KANSL2: variants seen among roughly 807,000 people sequenced by gnomAD.
KANSL2 encodes KAT8 regulatory NSL complex subunit 2, also known as NSL complex protein NSL2.
A neutral mutation model predicts 55.6 loss-of-function variants in KANSL2; 34 were observed. The observed-to-expected ratio is 0.61, with a 90% CI of 0.46 to 0.81. The LOEUF is 0.81. Among genes scored for constraint, KANSL2 ranks in the 40% least tolerant of loss-of-function variants. The probability of loss-of-function intolerance (pLI) is 0.00; values close to 1 mark genes in which losing one functional copy is unlikely to be tolerated. For missense variants in KANSL2, 502 were observed against 609.9 expected (o/e 0.82, Z 1.86); for synonymous variants, 209 against 214.3 (o/e 0.98, Z 0.22).
At position 48,669,212 on chromosome 12, in the gene KANSL2, C is replaced by T. The variant is rs1348432508; in HGVS notation, c.770G>A (p.Arg257Gln). 8 of 1,567,054 alleles carry T rather than the reference C, an allele frequency of 5.1e-6. No individual in the cohort carries two copies. The highest frequency in any genetic ancestry group is 6.9e-6 in the Non-Finnish European group (8 of 1,154,934). ...LLAKERENLK[R>Q]LKCLRRYRQR... ...GCGGTATCGTCGCAGACATTTTAAT[C>T]GCTTTAAGTTCTCTCGTTCTTTGGC... The change falls in exon 6 of 10, where the codon CGA becomes CAA. Residue 257 changes from arginine to glutamine, a missense_variant. Physicochemically the swap from Arg to Gln is conservative, Grantham distance 43. Coordinates refer to ENST00000420613, the MANE Select transcript of KANSL2 (RefSeq NM_017822.4).
chr12:48,668,527 C>T (rs1368671886), intron 6 of KANSL2, among the ~76,000 whole-genome samples: 1 of 152,114 alleles, frequency 6.6e-6, no homozygotes, highest in East Asian at 1.9e-4. Context: ...TGGAGAAACC[C>T]CGTCTCTACT....
intron 8 of KANSL2, among the ~76,000 whole-genome samples, chr12:48,655,493 T>C (rs1939360914): frequency 6.6e-6 from 1 of 151,144 alleles, no homozygotes; most frequent in South Asian, 2.1e-4. Flanking sequence ...CCCTCAAGCT[T>C]GGGACGCAGA....
intron 1 of KANSL2, 46 bp downstream of exon 1, chr12:48,682,141 G>A: frequency 1.4e-6 from 1 of 702,686 alleles, no homozygotes; most frequent in South Asian, 1.5e-5. Flanking sequence ...GAGCGAAATA[G>A]CAGCCCAACC....
chr12:48,659,211 T>C (rs1939445430), intron 8 of KANSL2, among the ~76,000 whole-genome samples: 1 of 151,930 alleles, frequency 6.6e-6, no homozygotes, highest in Admixed American at 6.6e-5. Flanking sequence ...CAAGAATCAC[T>C]TGAACCCTGA....
intron 8 of KANSL2, among the ~76,000 whole-genome samples, chr12:48,656,399 C>A (rs7138190): frequency 0.55 from 83,398 of 151,050 alleles, 23,929 homozygotes; most frequent in East Asian, 0.77. Context: ...TCAGCCTCCC[C>A]AGTAGCTGGG....
chr12:48,670,288 C>T (rs1389654267), intron 5 of KANSL2, among the ~76,000 whole-genome samples: 2 of 150,954 alleles, frequency 1.3e-5, no homozygotes, highest in African/African-American at 4.9e-5. Context: ...TATATATTTA[C>T]TATATTTATC....
intron 2 of KANSL2, chr12:48,680,099 G>A (rs926352516): frequency 7.1e-5 from 26 of 366,224 alleles, no homozygotes; most frequent in African/African-American, 5.1e-4. Context: ...TTGCTCTGTT[G>A]CCCAGGCTAA....
intron 4 of KANSL2, among the ~76,000 whole-genome samples, chr12:48,673,714 G>A (rs1293852170): frequency 6.6e-6 from 1 of 151,910 alleles, no homozygotes; most frequent in Non-Finnish European, 1.5e-5. Flanking sequence ...TTGGGAGGCC[G>A]AGGCAGGCAG....
At chr12:48,674,647 A>G (rs1377298287) in intron 4 of KANSL2, among the ~76,000 whole-genome samples, 1 of 152,214 alleles carries the variant, frequency 6.6e-6, no homozygotes, top group Non-Finnish European at 1.5e-5. Flanking sequence ...AAATCAAAAC[A>G]TGGTTAATAA....
At chr12:48,681,932 C>G in intron 1 of KANSL2, 1 of 703,244 alleles carries the variant, frequency 1.4e-6, no homozygotes, top group Non-Finnish European at 2.6e-6. Context: ...CACGCGGCGG[C>G]CACGCCGCCT....
At position 48,655,078 on chromosome 12, in the gene KANSL2, G is replaced by C. The variant is rs374093731; in HGVS notation, c.1228-18C>G. 1 of 1,558,340 alleles carries C rather than the reference G, an allele frequency of 6.4e-7. No homozygotes were observed. Among genetic ancestry groups the C allele is most frequent in the Admixed American group, 2.0e-5 (1 of 51,160 alleles). On this transcript the variant is annotated intron_variant, in intron 8 of 9. Coordinates refer to ENST00000420613, the MANE Select transcript of KANSL2 (RefSeq NM_017822.4). ...TCCAAGTCCTAGAAAAAAGAGAAAA[G>C]CCCATCAGCAATACCAAGGGAAACA...
In KANSL2 at chr12:48,654,991, G is replaced by C; in HGVS notation, c.1297C>G (p.Leu433Val). The change falls in exon 9 of 10, where the codon CTT (leucine) becomes GTT (valine). Residue 433 changes from leucine (L) to valine (V), a missense_variant. Transcript: ENST00000420613. ...SPLLFDPSLT[L>V]EDHLVKEIAE... ...ATTTCTTTGACTAAATGATCTTCAAGGGTTAGTGAAGGATCAAAAAGCAAA... is the reference window on the plus strand; with the variant it reads ...ATTTCTTTGACTAAATGATCTTCAACGGTTAGTGAAGGATCAAAAAGCAAA... 6.3e-7 allele frequency: 1 copy of C among 1,585,728 alleles called. No individual in the cohort carries two copies. Among genetic ancestry groups the C allele is most frequent in the Non-Finnish European group, 8.6e-7 (1 of 1,165,720 alleles).
chr12:48,657,191 GC>G (rs1463633998), intron 8 of KANSL2, among the ~76,000 whole-genome samples: 3 of 152,114 alleles, frequency 2.0e-5, no homozygotes, highest in African/African-American at 7.2e-5. Flanking sequence ...GACCATCCTG[GC>G]TAACATGGTG....
In KANSL2 at chr12:48,682,156, G is replaced by A. The variant is rs1038118256; in HGVS notation, c.-10+31C>T. On this transcript the variant is annotated intron_variant, in intron 1 of 9. Transcript: ENST00000420613. ...GAGCGAAATAGCAGCCCAACCGCAAGAGCTTAGAGGAAAGAGCACCGCCAT... is the reference window on the plus strand; with the variant it reads ...GAGCGAAATAGCAGCCCAACCGCAAAAGCTTAGAGGAAAGAGCACCGCCAT... 5.7e-6 allele frequency: 4 copies of A among 700,572 alleles called. No individual in the cohort carries two copies. The African/African-American group carries it at 7.0e-5, about 12-fold the overall frequency. 43.4% of individuals were successfully genotyped at this position (700,572 alleles called of 1,614,324 possible). A position where few individuals can be genotyped will look rare whatever the true frequency, so the allele number is the denominator to read the frequency against.
rs1187258086 is a variant in KANSL2 at position 48,654,095 on chromosome 12, C to G, written c.1428G>C (p.Gln476His). 6.2e-7 allele frequency: 1 copy of G among 1,612,794 alleles called. No individual in the cohort carries two copies. Among genetic ancestry groups the G allele is most frequent in the African/African-American group, 1.3e-5 (1 of 74,894 alleles). The change falls in exon 10 of 10, where the codon CAG becomes CAC. Residue 476 changes from glutamine (Q) to histidine (H), a missense_variant. Transcript: ENST00000420613. The part of the protein sequence containing the change: ...NSEKASAPLS[Q>H]SGLATANGKP... The stretch of plus-strand genomic sequence containing the variant: ...TCCCATTTGCAGTAGCCAATCCACT[C>G]TGAGACAATGGTGCAGAGGCTTTCT...
chr12:48,656,556 G>A, intron 8 of KANSL2: 1 of 356,680 alleles, frequency 2.8e-6, no homozygotes, highest in Non-Finnish European at 5.4e-6. Flanking sequence ...ACAGGCATGA[G>A]CCACCACGCC....
intron 6 of KANSL2, among the ~76,000 whole-genome samples, chr12:48,668,639 C>T (rs1033866163): frequency 2.0e-5 from 3 of 151,976 alleles, no homozygotes; most frequent in Non-Finnish European, 4.4e-5. Flanking sequence ...GTGGATGCTG[C>T]GGTGAGCCAA....
chr12:48,663,927 T>G (rs1328160903), intron 7 of KANSL2, among the ~76,000 whole-genome samples: 1 of 147,690 alleles, frequency 6.8e-6, no homozygotes, highest in Admixed American at 6.8e-5. Flanking sequence ...TTTTTTTTTT[T>G]TTTTTTTTGA....
chr12:48,677,623 T>C (rs1939846500), intron 4 of KANSL2, among the ~76,000 whole-genome samples: 1 of 151,386 alleles, frequency 6.6e-6, no homozygotes, highest in African/African-American at 2.4e-5. Flanking sequence ...CTACTAAAAA[T>C]ACAAAAAATT....
Sources: allele counts gnomAD v4.1 joint callset (sites outside exome capture counted in the v4.1 genomes callset), GRCh38; gene constraint gnomAD v4.1.1; transcripts MANE v1.5; gene names NCBI Gene and HGNC (gene_info 2026-07-23, HGNC 2026-07-21).